The following TJP1 variants were observed in gnomAD, a reference collection of about 807,000 sequenced individuals.
TJP1 encodes the protein tight junction protein 1, also known as tight junction protein ZO-1.
A neutral mutation model predicts 194.2 loss-of-function variants in TJP1; 43 were observed. That is an observed-to-expected ratio of 0.22 (90% CI 0.17 to 0.29). The LOEUF (loss-of-function observed/expected upper bound fraction) is 0.29. TJP1 is among the 10% of genes least tolerant of loss of function. The pLI is 1.00. For missense variants in TJP1, 1,971 were observed against 2,185.7 expected (o/e 0.90, Z 1.96); for synonymous variants, 801 against 779.0 (o/e 1.03, Z -0.47).
intron 2 of TJP1, among the ~76,000 whole-genome samples, chr15:29,911,666 T>C (rs1335588108): frequency 6.6e-6 from 1 of 152,162 alleles, no homozygotes; most frequent in Non-Finnish European, 1.5e-5. Context: ...AATCCACCCC[T>C]ATGATCCAAT....
intron 8 of TJP1, among the ~76,000 whole-genome samples, chr15:29,753,760 C>T (rs1456094001): frequency 6.8e-6 from 1 of 147,450 alleles, no homozygotes; most frequent in Non-Finnish European, 1.5e-5. Flanking sequence ...CATTGAAATA[C>T]TTAATGAATC....
At chr15:29,740,202 C>G (rs1022271807) in intron 10 of TJP1, among the ~76,000 whole-genome samples, 1 of 152,036 alleles carries the variant, frequency 6.6e-6, no homozygotes, top group Non-Finnish European at 1.5e-5. Flanking sequence ...GTCTTGATCT[C>G]CTGACCTCGT....
intron 2 of TJP1, among the ~76,000 whole-genome samples, chr15:29,878,818 T>C (rs1452619361): frequency 6.6e-6 from 1 of 152,084 alleles, no homozygotes; most frequent in African/African-American, 2.4e-5. Context: ...AAAAAGTGAC[T>C]TGCATATTAA....
rs1034538478 is a variant in TJP1 at position 29,792,849 on chromosome 15, G to GTATTT, written c.84+7792_84+7796dup. 7.2e-5 allele frequency among the ~76,000 whole-genome samples: 11 copies of GTATTT among 152,052 alleles called. No individual in the cohort carries two copies. In the East Asian group the frequency reaches 1.2e-3, roughly 16 times the overall value. On this transcript the variant is annotated intron_variant, in intron 2 of 27. Transcript: ENST00000614355. ...CTTCTTTGGTTAAGTTTATTCCTAG[G>GTATTT]TATTTTATTTTATTTTATTTGTAGC...
At chr15:29,788,466 T>C (rs919051525) in intron 2 of TJP1, among the ~76,000 whole-genome samples, 1 of 152,162 alleles carries the variant, frequency 6.6e-6, no homozygotes, top group South Asian at 2.1e-4. Context: ...CTATGGTTCA[T>C]TTAAACTTAA....
intron 2 of TJP1, among the ~76,000 whole-genome samples, chr15:29,892,567 G>T (rs2053347541): frequency 6.6e-6 from 1 of 152,196 alleles, no homozygotes; most frequent in Non-Finnish European, 1.5e-5. Context: ...AGGTGCTAAT[G>T]CAGCTGGTGA....
intron 2 of TJP1, among the ~76,000 whole-genome samples, chr15:29,855,491 A>G (rs2051811769): frequency 1.3e-5 from 2 of 152,216 alleles, no homozygotes; most frequent in Admixed American, 6.5e-5. Flanking sequence ...TCAAAATAGC[A>G]CGTGTAGCTC....
At chr15:29,799,866 T>C (rs1383905628) in intron 2 of TJP1, among the ~76,000 whole-genome samples, 2 of 152,226 alleles carry the variant, frequency 1.3e-5, no homozygotes, top group Non-Finnish European at 2.9e-5. Flanking sequence ...AAATAGTAAG[T>C]GTAAAGTGCA....
intron 2 of TJP1, among the ~76,000 whole-genome samples, chr15:29,946,585 C>T (rs1234954231): frequency 6.6e-6 from 1 of 152,220 alleles, no homozygotes; most frequent in Admixed American, 6.5e-5. Flanking sequence ...CATGAAGAAA[C>T]ACTCGATGGA....
intron 9 of TJP1, 87 bp downstream of exon 9, chr15:29,742,555 T>C: frequency 7.3e-7 from 1 of 1,369,298 alleles, no homozygotes; most frequent in Non-Finnish European, 9.6e-7. Context: ...GAATAATAAT[T>C]GCATCTTTAA....
intron 1 of TJP1, among the ~76,000 whole-genome samples, chr15:29,816,918 A>T (rs1940255116): frequency 6.6e-6 from 1 of 152,242 alleles, no homozygotes; most frequent in Admixed American, 6.5e-5. Flanking sequence ...TTCATGATGA[A>T]AACACCAAAA....
At chr15:29,831,788 T>C (rs1273526778) in intron 2 of TJP1, among the ~76,000 whole-genome samples, 1 of 152,162 alleles carries the variant, frequency 6.6e-6, no homozygotes, top group African/African-American at 2.4e-5. Context: ...ATATTTACAG[T>C]TGAAATGACA....
At chr15:29,712,168 T>C (rs1006728579) in intron 23 of TJP1, among the ~76,000 whole-genome samples, 8 of 152,234 alleles carry the variant, frequency 5.3e-5, no homozygotes, top group Non-Finnish European at 1.0e-4. Context: ...CAATAACATA[T>C]ACATTTGGAA....
At chr15:29,779,976 C>T (rs893539729) in intron 2 of TJP1, among the ~76,000 whole-genome samples, 3 of 151,624 alleles carry the variant, frequency 2.0e-5, no homozygotes, top group Non-Finnish European at 4.4e-5. Context: ...CAAAATCCTC[C>T]CCGCCACCTC....
At chr15:29,861,784 G>A (rs1275669352) in intron 2 of TJP1, among the ~76,000 whole-genome samples, 3 of 152,260 alleles carry the variant, frequency 2.0e-5, no homozygotes, top group East Asian at 1.9e-4. Context: ...TAGGGAATAC[G>A]AAGAATGCCT....
chr15:29,953,292 C>T (rs1251439625), intron 2 of TJP1, among the ~76,000 whole-genome samples: 2 of 151,978 alleles, frequency 1.3e-5, no homozygotes, highest in Non-Finnish European at 1.5e-5. Context: ...CAGGCACCTG[C>T]CACCACGCCC....
intron 7 of TJP1, 133 bp downstream of exon 7, chr15:29,761,468 T>C (rs2046002848): frequency 9.9e-6 from 13 of 1,308,370 alleles, no homozygotes; most frequent in South Asian, 4.7e-5. Flanking sequence ...GGAAAAAATG[T>C]ATATAAAACT....
chr15:29,834,448 G>C (rs1028107826), intron 2 of TJP1, among the ~76,000 whole-genome samples: 6 of 152,014 alleles, frequency 3.9e-5, no homozygotes, highest in African/African-American at 7.2e-5. Flanking sequence ...TTGAACTCCT[G>C]ACCTCACAAT....
chr15:29,953,600 T>C (rs2055836234), intron 2 of TJP1, among the ~76,000 whole-genome samples: 1 of 152,224 alleles, frequency 6.6e-6, no homozygotes, highest in Non-Finnish European at 1.5e-5. Context: ...CTTATTTATT[T>C]TTTTTATTGC....
Sources: allele counts gnomAD v4.1 joint callset (sites outside exome capture counted in the v4.1 genomes callset), GRCh38; gene constraint gnomAD v4.1.1; transcripts MANE v1.5; gene names NCBI Gene and HGNC (gene_info 2026-07-23, HGNC 2026-07-21).